TMCO4: variants seen among roughly 807,000 people sequenced by gnomAD.
TMCO4 encodes the protein transmembrane and coiled-coil domain-containing protein 4.
In TMCO4, 58 loss-of-function variants were observed where a neutral mutation model predicts 64.7. The ratio of observed to expected loss-of-function variants is 0.90; its 90% CI spans 0.73 to 1.12. The LOEUF is 1.12. TMCO4 is among the 50% of genes most tolerant of loss of function. The probability of loss-of-function intolerance (pLI) is 0.00; values close to 1 mark genes in which losing one functional copy is unlikely to be tolerated. For synonymous variants in TMCO4, 325 were observed against 346.1 expected (o/e 0.94, Z 0.68); for missense variants, 780 against 825.9 (o/e 0.94, Z 0.68).
chr1:19,699,486 C>CATAT (rs10587817), intron 14 of TMCO4, among the ~76,000 whole-genome samples: 6,420 of 136,220 alleles, frequency 0.047, 171 homozygotes, highest in Non-Finnish European at 0.058. Flanking sequence ...TTTTCATATA[C>CATAT]ATATATATAT....
At chr1:19,757,748 T>C (rs2042332064) in intron 6 of TMCO4, among the ~76,000 whole-genome samples, 1 of 152,178 alleles carries the variant, frequency 6.6e-6, no homozygotes, top group African/African-American at 2.4e-5. Context: ...AGCTTAGTCA[T>C]CTGTTTTTCC....
Position 19,721,854 on chromosome 1 carries a change from G to A in TMCO4, c.1264+15518C>T, listed in dbSNP as rs2095385698. On this transcript the variant is annotated intron_variant, in intron 13 of 15. Coordinates refer to ENST00000294543, the MANE Select transcript of TMCO4 (RefSeq NM_181719.7). ...ACACACACGTTTTGGAAAAGTCCAG[G>A]GCCAAACCTGGAAATATACTGACCT... 2.0e-5 allele frequency among the ~76,000 whole-genome samples: 3 copies of A among 151,992 alleles called. No individual in the cohort carries two copies. In the South Asian group the frequency reaches 6.2e-4, roughly 32 times the overall value.
Position 19,711,876 on chromosome 1 carries a change from C to T in TMCO4, c.1265-10991G>A, listed in dbSNP as rs202219777. Among the ~76,000 whole-genome samples the T allele has an allele frequency of 6.6e-5, 10 of 152,138 alleles. No individual in the cohort carries two copies. The East Asian group carries it at 1.7e-3, about 26-fold the overall frequency. On this transcript the variant is annotated intron_variant, in intron 13 of 15. Coordinates refer to ENST00000294543, the MANE Select transcript of TMCO4 (RefSeq NM_181719.7). ...TTCTCCATGTTGGTCAGGCTGGTCT[C>T]GAACTTCCGACCTCAGGTGATCCAC...
chr1:19,740,630 C>T (rs2095474900), intron 11 of TMCO4, 147 bp downstream of exon 11: 1 of 866,928 alleles, frequency 1.2e-6, no homozygotes, highest in Non-Finnish European at 1.8e-6. Flanking sequence ...TTCCCCCAGA[C>T]AGGAATGCGG....
At chr1:19,716,158 T>TTTTAA (rs2095354796) in intron 13 of TMCO4, among the ~76,000 whole-genome samples, 1 of 102,846 alleles carries the variant, frequency 9.7e-6, no homozygotes, top group Non-Finnish European at 1.9e-5. Context: ...CTCTATTTTA[T>TTTTAA]TTTTATTTTA....
intron 13 of TMCO4, among the ~76,000 whole-genome samples, chr1:19,727,373 T>G (rs950779112): frequency 1.3e-5 from 2 of 152,178 alleles, no homozygotes; most frequent in Non-Finnish European, 2.9e-5. Flanking sequence ...GGATGACTGA[T>G]GTACACCACT....
chr1:19,700,806 C>A lies in TMCO4; in HGVS notation c.1344G>T (p.Arg448=), dbSNP rs752916117. The A allele has an allele frequency of 6.2e-7, 1 of 1,614,254 alleles. No homozygotes were observed. The highest frequency in any genetic ancestry group is 1.3e-5 in the African/African-American group (1 of 75,074). Residue 448 remains arginine (R), a synonymous_variant, in exon 14 of 16, where the codon CGG becomes CGT. Coordinates refer to ENST00000294543, the MANE Select transcript of TMCO4 (RefSeq NM_181719.7). ...EGEAKHWEPF[R]KVVSGRIING... is the part of the protein sequence containing the mutation. ...TGATGATCCTCCCGGACACCACCTT[C>A]CGGAAAGGCTCCCAATGCTTGGCTT...
In TMCO4 at chr1:19,682,480, G is replaced by A; in HGVS notation, c.*560C>T. 1 of 645,528 alleles carries A rather than the reference G, an allele frequency of 1.5e-6. No homozygotes were observed. The highest frequency in any genetic ancestry group is 2.9e-6 in the Non-Finnish European group (1 of 350,060). 40.0% of individuals were successfully genotyped at this position (645,528 alleles called of 1,614,324 possible). ...TATGCAGCGCACAGCCTACATGGCTGTACAGGGCAGATCTGATTGGATCTC... is the reference window on the plus strand; with the variant it reads ...TATGCAGCGCACAGCCTACATGGCTATACAGGGCAGATCTGATTGGATCTC... On this transcript the variant is annotated 3_prime_UTR_variant, in exon 16 of 16. Coordinates refer to ENST00000294543, the MANE Select transcript of TMCO4 (RefSeq NM_181719.7).
rs895875656 is a variant in TMCO4 at position 19,734,961 on chromosome 1, C to T, written c.1264+2411G>A. ...GGCACCCGGTGGATCTGCACTAGCTCGTGGGCACAGCAGCATGTGCCTGAT... is the reference window on the plus strand; with the variant it reads ...GGCACCCGGTGGATCTGCACTAGCTTGTGGGCACAGCAGCATGTGCCTGAT... On this transcript the variant is annotated intron_variant, in intron 13 of 15. Transcript: ENST00000294543. The surrounding 1 kb of genome is among the most constrained non-coding windows in gnomAD (Gnocchi z 4.4). Among the ~76,000 whole-genome samples the T allele has an allele frequency of 6.6e-6, 1 of 152,108 alleles. No individual in the cohort carries two copies. The highest frequency in any genetic ancestry group is 1.5e-5 in the Non-Finnish European group (1 of 68,010).
At chr1:19,721,201 C>T (rs2095381326) in intron 13 of TMCO4, among the ~76,000 whole-genome samples, 1 of 152,014 alleles carries the variant, frequency 6.6e-6, no homozygotes, top group African/African-American at 2.4e-5. Context: ...GAGAATGGTC[C>T]CCAGAGAGGG....
chr1:19,694,677 C>G (rs1167847070), intron 14 of TMCO4, 126 bp from the exon 15 acceptor site: 1 of 801,790 alleles, frequency 1.2e-6, no homozygotes, highest in Admixed American at 2.1e-5. Flanking sequence ...AACAGGGCCC[C>G]TGATTGCACG....
At chr1:19,799,291 G>A (rs1174846689) in intron 1 of TMCO4, 3 of 152,294 alleles carry the variant, frequency 2.0e-5, no homozygotes, top group East Asian at 3.9e-4. Flanking sequence ...TGTAACATGA[G>A]GAGCCTGGTT....
intron 13 of TMCO4, among the ~76,000 whole-genome samples, chr1:19,716,149 T>C (rs1275098339): frequency 7.1e-6 from 1 of 141,272 alleles, no homozygotes; most frequent in Non-Finnish European, 1.5e-5. Context: ...AGACCTCTTC[T>C]CTATTTTATT....
intron 3 of TMCO4, among the ~76,000 whole-genome samples, chr1:19,783,065 C>T (rs1332779626): frequency 6.6e-6 from 1 of 152,192 alleles, no homozygotes; most frequent in Non-Finnish European, 1.5e-5. Context: ...AAATGATCAA[C>T]AAACAAATAA....
intron 3 of TMCO4, among the ~76,000 whole-genome samples, chr1:19,784,985 T>C (rs1474774163): frequency 1.3e-5 from 2 of 152,310 alleles, no homozygotes; most frequent in Middle Eastern, 3.4e-3. Context: ...CAAGCTTAAA[T>C]GTCCTGTGCA....
At chr1:19,716,173 T>TATTATTATG (rs1394302791) in intron 13 of TMCO4, among the ~76,000 whole-genome samples, 1 of 148,120 alleles carries the variant, frequency 6.8e-6, no homozygotes, top group Non-Finnish European at 1.5e-5. Flanking sequence ...ATTTTATTAT[T>TATTATTATG]ATTATTATTA....
intron 10 of TMCO4, among the ~76,000 whole-genome samples, chr1:19,742,771 G>A (rs1009405224): frequency 1.3e-5 from 2 of 152,182 alleles, no homozygotes; most frequent in Non-Finnish European, 1.5e-5. Flanking sequence ...GTGTGGTGGG[G>A]ATCACAGGAG....
chr1:19,739,701 C>T, intron 12 of TMCO4, 123 bp downstream of exon 12: 1 of 1,425,202 alleles, frequency 7.0e-7, no homozygotes, highest in Non-Finnish European at 9.4e-7. Flanking sequence ...GGACTGCCCA[C>T]ACCCCCAAAA....
intron 13 of TMCO4, among the ~76,000 whole-genome samples, chr1:19,704,159 A>G (rs1364297616): frequency 6.6e-6 from 1 of 152,220 alleles, no homozygotes; most frequent in African/African-American, 2.4e-5. Flanking sequence ...CTCTGAGGTT[A>G]AAAGACTCCA....
Sources: allele counts gnomAD v4.1 joint callset (sites outside exome capture counted in the v4.1 genomes callset), GRCh38; gene constraint gnomAD v4.1.1; non-coding constraint Gnocchi (gnomAD v3.1); transcripts MANE v1.5; gene names NCBI Gene and HGNC (gene_info 2026-07-23, HGNC 2026-07-21).